Variants in PTPRM observed in about 807,000 individuals in gnomAD.
The protein encoded by PTPRM is protein tyrosine phosphatase receptor type M.
A neutral mutation model predicts 186.7 loss-of-function variants in PTPRM; 47 were observed. The ratio of observed to expected loss-of-function variants is 0.25; its 90% confidence interval spans 0.20 to 0.32. The LOEUF is 0.32. Among genes scored for constraint, PTPRM ranks in the 10% least tolerant of loss-of-function variants. The pLI is 1.00. For missense variants in PTPRM, 1,494 were observed against 1,865.0 expected, an observed-to-expected ratio of 0.80 and a Z score of 3.66; for synonymous variants, 668 against 674.9, an observed-to-expected ratio of 0.99 and a Z score of 0.16.
At chr18:8,220,692 G>T (rs548712649) in intron 14 of PTPRM, among the ~76,000 whole-genome samples, 148 of 152,292 alleles carry the variant, frequency 9.7e-4, no homozygotes, top group Non-Finnish European at 2.0e-3. Flanking sequence ...TAACTCTTGG[G>T]TATCTGTTTT....
intron 11 of PTPRM, among the ~76,000 whole-genome samples, chr18:8,098,941 G>A (rs1270265342): frequency 6.6e-6 from 1 of 152,076 alleles, no homozygotes; most frequent in Non-Finnish European, 1.5e-5. Flanking sequence ...TTCCTCTAAT[G>A]GGGAAGCCTC....
chr18:8,078,926 A>G (rs1445282274), intron 9 of PTPRM, among the ~76,000 whole-genome samples: 3 of 152,192 alleles, frequency 2.0e-5, no homozygotes, highest in Non-Finnish European at 4.4e-5. Context: ...TTCTGCCCAC[A>G]TGACCCAAAC....
chr18:8,403,530 T>A (rs1244452604), intron 32 of PTPRM: 1 of 152,128 alleles, frequency 6.6e-6, no homozygotes, highest in African/African-American at 2.4e-5. Flanking sequence ...ATCCCCACCA[T>A]TACATGTGTA....
At chr18:7,911,859 T>G (rs977467568) in intron 4 of PTPRM, among the ~76,000 whole-genome samples, 1 of 140,666 alleles carries the variant, frequency 7.1e-6, no homozygotes, top group Admixed American at 7.1e-5. Flanking sequence ...TTTTTTTTTT[T>G]TTTTTTTTTT....
At chr18:7,773,997 G>C in intron 1 of PTPRM, 152 bp from the exon 2 acceptor site, 1 of 688,428 alleles carries the variant, frequency 1.5e-6, no homozygotes, top group Non-Finnish European at 2.4e-6. Context: ...GGATCACTAA[G>C]TGTTGGATGC....
intron 1 of PTPRM, among the ~76,000 whole-genome samples, chr18:7,720,736 C>CT: frequency 6.6e-6 from 1 of 152,238 alleles, no homozygotes; most frequent in South Asian, 2.1e-4. Flanking sequence ...CAATATTTAT[C>CT]TTTTTGTGAC....
chr18:8,025,654 C>G (rs2085522973), intron 7 of PTPRM, among the ~76,000 whole-genome samples: 1 of 152,266 alleles, frequency 6.6e-6, no homozygotes, highest in South Asian at 2.1e-4. Flanking sequence ...ATTTCAACAG[C>G]TGGTACGATA....
intron 1 of PTPRM, among the ~76,000 whole-genome samples, chr18:7,753,843 T>G (rs1170896726): frequency 6.6e-6 from 1 of 151,476 alleles, no homozygotes; most frequent in Non-Finnish European, 1.5e-5. Context: ...CATTTATAAT[T>G]CTATTTTTTT....
At chr18:8,076,197 A>G (rs192591975) in intron 8 of PTPRM, among the ~76,000 whole-genome samples, 20 of 152,108 alleles carry the variant, frequency 1.3e-4, no homozygotes, top group Non-Finnish European at 2.4e-4. Flanking sequence ...TGGAAGAGTA[A>G]AAACGTTTAT....
chr18:7,730,054 GT>G (rs1485541372), intron 1 of PTPRM, among the ~76,000 whole-genome samples: 2 of 152,112 alleles, frequency 1.3e-5, no homozygotes, highest in Non-Finnish European at 2.9e-5. Context: ...CTGTCCTTGG[GT>G]TCTGTAATGA....
intron 14 of PTPRM, among the ~76,000 whole-genome samples, chr18:8,225,836 A>G (rs529194209): frequency 1.3e-5 from 2 of 152,238 alleles, no homozygotes; most frequent in Non-Finnish European, 2.9e-5. Context: ...AAAGATAACC[A>G]TAAACAAAAT....
intron 2 of PTPRM, among the ~76,000 whole-genome samples, chr18:7,878,719 A>C (rs1049160170): frequency 3.9e-5 from 6 of 152,226 alleles, no homozygotes; most frequent in African/African-American, 1.4e-4. Flanking sequence ...TCTGCAGACC[A>C]TACTGAGTAG....
chr18:8,337,673 G>GGGTCAAGT (rs1172822340), intron 22 of PTPRM, among the ~76,000 whole-genome samples: 17 of 151,348 alleles, frequency 1.1e-4, no homozygotes, highest in Admixed American at 1.1e-3. Context: ...CTTGGGTCTT[G>GGGTCAAGT]GAAAAGTGAC....
intron 7 of PTPRM, among the ~76,000 whole-genome samples, chr18:8,011,305 C>A (rs2084513543): frequency 6.6e-6 from 1 of 152,154 alleles, no homozygotes; most frequent in South Asian, 2.1e-4. Flanking sequence ...ATCTCTGAAA[C>A]AGGACCTGAT....
chr18:7,658,434 C>T (rs1344286978), intron 1 of PTPRM, among the ~76,000 whole-genome samples: 4 of 150,974 alleles, frequency 2.6e-5, no homozygotes, highest in African/African-American at 4.9e-5. Flanking sequence ...GTCACTGATG[C>T]AGACGTTTCT....
At chr18:8,164,482 G>A (rs1048507297) in intron 14 of PTPRM, among the ~76,000 whole-genome samples, 2 of 152,210 alleles carry the variant, frequency 1.3e-5, no homozygotes, top group Admixed American at 1.3e-4. Context: ...AAACAAAAAT[G>A]TGGTCTATCC....
At chr18:7,703,281 A>G (rs1274181030) in intron 1 of PTPRM, among the ~76,000 whole-genome samples, 1 of 152,154 alleles carries the variant, frequency 6.6e-6, no homozygotes. Context: ...TTTTCATGAT[A>G]TTGATTCTTC....
intron 2 of PTPRM, among the ~76,000 whole-genome samples, chr18:7,883,226 C>T (rs983163595): frequency 2.0e-5 from 3 of 152,052 alleles, no homozygotes; most frequent in Non-Finnish European, 4.4e-5. Context: ...AGCTGGAATG[C>T]TTTTTGTAGG....
chr18:7,792,205 G>T (rs2043374765), intron 2 of PTPRM, among the ~76,000 whole-genome samples: 1 of 152,198 alleles, frequency 6.6e-6, no homozygotes, highest in Non-Finnish European at 1.5e-5. Context: ...ATTTAAAGCT[G>T]TTGGTACCAG....
Sources: gnomAD v4.1 joint callset for allele counts (sites outside exome capture counted in the v4.1 genomes callset) on GRCh38, gnomAD v4.1.1 for gene constraint, MANE v1.5 for transcripts, NCBI Gene and HGNC (gene_info 2026-07-23, HGNC 2026-07-21) for gene names.